BNIP2: variants seen among roughly 807,000 people sequenced by gnomAD.
The protein encoded by BNIP2 is BCL2/adenovirus E1B 19 kDa protein-interacting protein 2.
Under a neutral mutation model 43.4 loss-of-function variants are expected in BNIP2, and 36 were observed. The ratio of observed to expected loss-of-function variants is 0.83; its 90% CI spans 0.64 to 1.10. The LOEUF is 1.10. Among genes scored for constraint, BNIP2 ranks in the 50% least tolerant of loss-of-function variants. The pLI is 0.00. For synonymous variants in BNIP2, 146 were observed against 121.0 expected (o/e 1.21, Z -1.35); for missense variants, 417 against 374.1 (o/e 1.11, Z -0.95).
rs780630296 is a variant in BNIP2 at position 59,664,022 on chromosome 15, T to G, written c.*47A>C. On this transcript the variant is annotated 3_prime_UTR_variant, in exon 10 of 10. Coordinates refer to ENST00000607373, the MANE Select transcript of BNIP2 (RefSeq NM_004330.4). ...TGCATTATGAATGCAGAAACAGCAC[T>G]GCTCCATCAGCACATTCTTCAGTCT... The G allele has an allele frequency of 5.3e-5, 74 of 1,408,972 alleles. 1 individual carries two copies. The East Asian group carries it at 1.5e-3, about 29-fold the overall frequency. 87.3% of individuals were successfully genotyped at this position (1,408,972 alleles called of 1,614,324 possible). A position where few individuals can be genotyped will look rare whatever the true frequency, so the allele number is the denominator to read the frequency against.
intron 6 of BNIP2, 36 bp from the exon 7 acceptor site, chr15:59,671,350 C>T: frequency 6.5e-7 from 1 of 1,547,048 alleles, no homozygotes; most frequent in Admixed American, 1.9e-5. Context: ...CCTTAAAAAT[C>T]ACTGTGCATA....
chr15:59,684,387 A>G (rs1397858776), intron 1 of BNIP2, among the ~76,000 whole-genome samples: 1 of 152,270 alleles, frequency 6.6e-6, no homozygotes, highest in African/African-American at 2.4e-5. Context: ...AACATTTAAA[A>G]TAATCTTTAC....
rs780722306 is a variant in BNIP2 at position 59,677,982 on chromosome 15, C to G, written c.401G>C (p.Arg134Thr). The change falls in exon 5 of 10, where the codon AGG becomes ACG. Residue 134 changes from arginine to threonine, a missense_variant. By Grantham distance (71) the Arg-to-Thr change is moderately conservative (BLOSUM62 -1). Transcript: ENST00000607373. Reference sequence around the variant, plus strand: ...AACCCTGTGGTCCTGTTCTCCAATCCTGAACATACGCCAGCGTCGTCCATC... The same window carrying G: ...AACCCTGTGGTCCTGTTCTCCAATCGTGAACATACGCCAGCGTCGTCCATC... The part of the protein sequence containing the change: ...KEDGRRWRMF[R>T]IGEQDHRVDM... The G allele has an allele frequency of 2.5e-6, 4 of 1,613,842 alleles. No individual in the cohort carries two copies. Among genetic ancestry groups the G allele is most frequent in the Non-Finnish European group, 3.4e-6 (4 of 1,179,880 alleles).
At chr15:59,687,200 T>C (rs1429136014) in intron 1 of BNIP2, among the ~76,000 whole-genome samples, 1 of 152,220 alleles carries the variant, frequency 6.6e-6, no homozygotes, top group Non-Finnish European at 1.5e-5. Flanking sequence ...AAAGATAATC[T>C]ACTAACTGAT....
At chr15:59,684,454 C>G (rs1330253622) in intron 1 of BNIP2, among the ~76,000 whole-genome samples, 1 of 152,128 alleles carries the variant, frequency 6.6e-6, no homozygotes, top group Admixed American at 6.5e-5. Context: ...GGACACCTAC[C>G]TTACCAAACA....
At chr15:59,674,090 C>CAAAAAAAA (rs754263928) in intron 5 of BNIP2, among the ~76,000 whole-genome samples, 4 of 91,436 alleles carry the variant, frequency 4.4e-5, no homozygotes, top group Non-Finnish European at 6.5e-5. Context: ...ACTTGGGTCT[C>CAAAAAAAA]AAAAAAAAAA....
At chr15:59,673,137 T>A (rs1374008103) in intron 5 of BNIP2, among the ~76,000 whole-genome samples, 1 of 145,968 alleles carries the variant, frequency 6.9e-6, no homozygotes, top group African/African-American at 2.5e-5. Flanking sequence ...TTTTTTTTTT[T>A]AGATGGAGTC....
intron 5 of BNIP2, among the ~76,000 whole-genome samples, chr15:59,673,769 A>G (rs1374856135): frequency 6.6e-6 from 1 of 152,216 alleles, no homozygotes; most frequent in South Asian, 2.1e-4. Flanking sequence ...TAAAAATGCT[A>G]GCATTTTGTA....
At chr15:59,688,618 C>T in intron 1 of BNIP2, 3 of 1,292,332 alleles carry the variant, frequency 2.3e-6, no homozygotes, top group Non-Finnish European at 3.2e-6. Flanking sequence ...CACGCGGGGA[C>T]TCGGCTTTTG....
At chr15:59,684,889 G>A (rs1433536465) in intron 1 of BNIP2, among the ~76,000 whole-genome samples, 1 of 152,100 alleles carries the variant, frequency 6.6e-6, no homozygotes, top group African/African-American at 2.4e-5. Context: ...CACCTACCAT[G>A]GTGCCTAGCA....
At chr15:59,682,870 C>G (rs1156658147) in intron 1 of BNIP2, among the ~76,000 whole-genome samples, 2 of 152,030 alleles carry the variant, frequency 1.3e-5, no homozygotes, top group African/African-American at 4.8e-5. Context: ...ATTACAGACT[C>G]ATAATTAAAT....
In BNIP2 at chr15:59,682,461, C is replaced by T. The variant is rs1490615262; in HGVS notation, c.-4G>A. 5.0e-6 allele frequency: 8 copies of T among 1,613,752 alleles called. No homozygotes were observed. Among genetic ancestry groups the T allele is most frequent in the South Asian group, 1.1e-5 (1 of 91,064 alleles). On this transcript the variant is annotated 5_prime_UTR_variant, in exon 2 of 10. Transcript: ENST00000607373. ...CTTTAAGTTCCACACCTTCCATCCT[C>T]AGCCTGGATTCAATGTCAACTACAA...
intron 5 of BNIP2, 141 bp downstream of exon 5, chr15:59,677,770 T>C (rs916633921): frequency 2.5e-6 from 3 of 1,214,304 alleles, no homozygotes; most frequent in Admixed American, 6.7e-5. Context: ...GGAAGAAATG[T>C]CCTACAAAAG....
Position 59,668,002 on chromosome 15 carries a change from G to A in BNIP2, c.893+890C>T, listed in dbSNP as rs547623107. ...TTGGGGTACATTTATATTTGCAAAT[G>A]CTATTATCTTTGTCTACAAGCTAAC... On this transcript the variant is annotated intron_variant, in intron 9 of 9. Coordinates refer to ENST00000607373, the MANE Select transcript of BNIP2 (RefSeq NM_004330.4). 5 of 743,344 alleles carry A rather than the reference G, an allele frequency of 6.7e-6. No individual in the cohort carries two copies. In the African/African-American group the frequency reaches 7.5e-5, roughly 11 times the overall value. The allele number at this position is 743,344 out of a possible 1,614,324, so 46.0% of individuals were successfully genotyped here. A position where few individuals can be genotyped will look rare whatever the true frequency, so the allele number is the denominator to read the frequency against.
intron 5 of BNIP2, among the ~76,000 whole-genome samples, chr15:59,673,919 T>A (rs1273256596): frequency 1.3e-5 from 2 of 151,844 alleles, no homozygotes. Context: ...CGAAACCCCA[T>A]CTCTACTAAA....
At chr15:59,681,279 T>C (rs1218192794) in intron 2 of BNIP2, among the ~76,000 whole-genome samples, 1 of 152,216 alleles carries the variant, frequency 6.6e-6, no homozygotes, top group Non-Finnish European at 1.5e-5. Context: ...ACGGAAGCAC[T>C]ATTTAAACTT....
intron 1 of BNIP2, among the ~76,000 whole-genome samples, chr15:59,683,623 C>T (rs1893834860): frequency 6.6e-6 from 1 of 152,182 alleles, no homozygotes; most frequent in Non-Finnish European, 1.5e-5. Flanking sequence ...TCAAAACCAG[C>T]CTGGCCAACA....
chr15:59,673,455 T>C (rs540914498), intron 5 of BNIP2, among the ~76,000 whole-genome samples: 3 of 152,276 alleles, frequency 2.0e-5, no homozygotes, highest in South Asian at 2.1e-4. Context: ...GGATAGCATC[T>C]TGCTCCATTG....
Position 59,671,218 on chromosome 15 carries a change from T to C in BNIP2, c.672A>G (p.Gly224=), listed in dbSNP as rs1269008145. 4 of 1,602,468 alleles carry C rather than the reference T, an allele frequency of 2.5e-6. No homozygotes were observed. The East Asian group carries it at 8.9e-5, about 36-fold the overall frequency. The change falls in exon 7 of 10, where the codon GGA becomes GGG. Residue 224 remains glycine, a synonymous_variant. Transcript: ENST00000607373. The part of the protein sequence containing the change: ...ATTRRKMPSL[G]WLRKCYQQID... ...TTTGCTGATAACATTTCCTGAGCCA[T>C]CCCAGACTGGGCATTTTTCTTCGAG... is the stretch of plus-strand genomic sequence containing the variant.
Sources: gnomAD v4.1 joint callset for allele counts (sites outside exome capture counted in the v4.1 genomes callset) on GRCh38, gnomAD v4.1.1 for gene constraint, MANE v1.5 for transcripts, NCBI Gene and HGNC (gene_info 2026-07-23, HGNC 2026-07-21) for gene names.